The following LRP2 variants were observed in gnomAD, a reference collection of about 807,000 sequenced individuals.
LRP2 encodes the protein low-density lipoprotein receptor-related protein 2.
A neutral mutation model predicts 531.0 loss-of-function variants in LRP2; 172 were observed. The ratio of observed to expected loss-of-function variants is 0.32; its 90% confidence interval spans 0.29 to 0.37. The LOEUF (loss-of-function observed/expected upper bound fraction) is 0.37. Ranked by LOEUF, LRP2 falls within the 10% of genes least tolerant of loss-of-function variation. LRP2 has a pLI of 1.00. For synonymous variants in LRP2, 1,992 were observed against 2,027.6 expected, an observed-to-expected ratio of 0.98 and a Z score of 0.47; for missense variants, 5,167 against 5,868.3, an observed-to-expected ratio of 0.88 and a Z score of 3.90.
intron 4 of LRP2, among the ~76,000 whole-genome samples, chr2:169,299,135 GAA>G (rs369366511): frequency 0.18 from 11,620 of 63,228 alleles, 794 homozygotes; most frequent in Middle Eastern, 0.23. Context: ...AAGAAAGAAA[GAA>G]AGAAAGAAAG....
intron 4 of LRP2, among the ~76,000 whole-genome samples, chr2:169,296,860 T>C (rs1684146657): frequency 6.6e-6 from 1 of 152,160 alleles, no homozygotes; most frequent in South Asian, 2.1e-4. Flanking sequence ...GAAGCCCAGC[T>C]TGATATCATC....
At position 169,127,960 on chromosome 2, in the gene LRP2, G is replaced by A. The variant is rs1318480680; in HGVS notation, c.*703C>T. ...CTTAATGATATGGGATTTCCTCATA[G>A]ACATCACAAATAAAAATGTTGTCTT... On this transcript the variant is annotated 3_prime_UTR_variant, in exon 79 of 79. Coordinates refer to ENST00000649046, the MANE Select transcript of LRP2 (RefSeq NM_004525.3). 4.6e-5 allele frequency: 7 copies of A among 152,650 alleles called. No individual in the cohort carries two copies. The East Asian group carries it at 5.8e-4, about 13-fold the overall frequency. The allele number at this position is 152,650 out of a possible 1,614,324, so 9.5% of individuals were successfully genotyped here.
At position 169,169,833 on chromosome 2, in the gene LRP2, T is replaced by C. The variant is rs759640716; in HGVS notation, c.11381-15A>G. ...GGTCCTCATCTCTGAAGAGAAAAGA[T>C]TGTCATTCCGAGAAGGCCTTGTCAT... On this transcript the variant is annotated splice_polypyrimidine_tract_variant and intron_variant, in intron 59 of 78. Coordinates refer to ENST00000649046, the MANE Select transcript of LRP2 (RefSeq NM_004525.3). The C allele has an allele frequency of 9.6e-6, 15 of 1,564,406 alleles. 1 individual carries two copies. Among genetic ancestry groups the C allele is most frequent in the Admixed American group, 3.3e-5 (2 of 59,978 alleles).
chr2:169,362,143 G>C (rs1192319829), intron 1 of LRP2, among the ~76,000 whole-genome samples, 178 bp downstream of exon 1: 1 of 152,244 alleles, frequency 6.6e-6, no homozygotes, highest in Non-Finnish European at 1.5e-5. Context: ...CGAGCGAAGA[G>C]GGGCGCTCCC....
intron 37 of LRP2, among the ~76,000 whole-genome samples, chr2:169,211,153 G>A (rs931170480): frequency 3.3e-5 from 5 of 152,202 alleles, no homozygotes; most frequent in Non-Finnish European, 5.9e-5. Flanking sequence ...GCAGGAGGAC[G>A]TGTGGGACTG....
chr2:169,181,752 A>G (rs199584573), intron 51 of LRP2, 134 bp from the exon 52 acceptor site: 1 of 929,544 alleles, frequency 1.1e-6, no homozygotes, highest in Non-Finnish European at 1.7e-6. Context: ...TCTTTTCTGC[A>G]TTCAGAAAAG....
intron 48 of LRP2, 39 bp from the exon 49 acceptor site, chr2:169,188,304 G>A: frequency 6.3e-7 from 1 of 1,597,464 alleles, no homozygotes; most frequent in Non-Finnish European, 8.6e-7. Flanking sequence ...AGAGAGGTTG[G>A]CAATAAACCT....
Position 169,318,778 on chromosome 2 carries a change from A to G in LRP2, c.294T>C (p.Asp98=). The G allele has an allele frequency of 1.2e-6, 2 of 1,614,172 alleles. No individual in the cohort carries two copies. The highest frequency in any genetic ancestry group is 1.1e-5 in the South Asian group (1 of 91,082). The part of the protein sequence containing the change: ...DQDQDCDDGS[D]ERQDCSQSTC... ...AACACTTACAGCAATCTTGACGTTC[A>G]TCTGAGCCATCATCACAGTCTTGAT... The change falls in exon 3 of 79, where the codon GAT becomes GAC. Residue 98 remains aspartate, a synonymous_variant. Transcript: ENST00000649046.
At chr2:169,341,483 A>T (rs1031324037) in intron 1 of LRP2, among the ~76,000 whole-genome samples, 5 of 150,026 alleles carry the variant, frequency 3.3e-5, no homozygotes, top group Admixed American at 6.6e-5. Context: ...TCCTAATTTT[A>T]AAAAAATTTC....
At chr2:169,147,185 C>T in intron 68 of LRP2, among the ~76,000 whole-genome samples, 1 of 152,106 alleles carries the variant, frequency 6.6e-6, no homozygotes, top group Non-Finnish European at 1.5e-5. Context: ...TAGAAATTGG[C>T]CGAAGGATGG....
intron 47 of LRP2, 116 bp from the exon 48 acceptor site, chr2:169,192,149 G>A (rs1687852398): frequency 1.1e-5 from 7 of 659,140 alleles, no homozygotes; most frequent in East Asian, 2.7e-5. Context: ...AGGAAAACAC[G>A]TAGACAAATT....
chr2:169,209,857 T>C (rs1272948724), intron 37 of LRP2, among the ~76,000 whole-genome samples: 1 of 152,088 alleles, frequency 6.6e-6, no homozygotes, highest in African/African-American at 2.4e-5. Flanking sequence ...GGAGAAATGT[T>C]GATTATAGGT....
At chr2:169,194,473 A>C (rs984857254) in intron 46 of LRP2, among the ~76,000 whole-genome samples, 1 of 152,176 alleles carries the variant, frequency 6.6e-6, no homozygotes, top group Non-Finnish European at 1.5e-5. Flanking sequence ...ATACTGAATT[A>C]AAATAAGTCA....
chr2:169,346,601 G>A (rs1240085314), intron 1 of LRP2, among the ~76,000 whole-genome samples: 1 of 152,162 alleles, frequency 6.6e-6, no homozygotes, highest in East Asian at 1.9e-4. Flanking sequence ...CTATTCAGGA[G>A]GCTGAGGCAG....
chr2:169,344,428 A>G (rs1685644836), intron 1 of LRP2, among the ~76,000 whole-genome samples: 2 of 152,250 alleles, frequency 1.3e-5, no homozygotes, highest in South Asian at 4.1e-4. Flanking sequence ...AGACAAAGAC[A>G]TAATAAAGTT....
At chr2:169,310,721 G>T (rs1013395537) in intron 3 of LRP2, among the ~76,000 whole-genome samples, 8 of 152,174 alleles carry the variant, frequency 5.3e-5, no homozygotes. Context: ...CTCATAAAAT[G>T]AATTAGGGAG....
Position 169,242,827 on chromosome 2 carries a change from C to G in LRP2, c.3667+129G>C, listed in dbSNP as rs188822965. 4.6e-5 allele frequency: 36 copies of G among 783,472 alleles called. No individual in the cohort carries two copies. In the East Asian group the frequency reaches 8.0e-4, roughly 17 times the overall value. 48.5% of individuals were successfully genotyped at this position (783,472 alleles called of 1,614,324 possible). A position where few individuals can be genotyped will look rare whatever the true frequency, so the allele number is the denominator to read the frequency against. On this transcript the variant is annotated intron_variant, in intron 24 of 78. Coordinates refer to ENST00000649046, the MANE Select transcript of LRP2 (RefSeq NM_004525.3). ...CTCAATTTTACTGTATGTTCAATAC[C>G]ACATTCCTTTGAGGATACTTTCCCC...
chr2:169,362,173 A>G (rs1405680169), intron 1 of LRP2, 148 bp downstream of exon 1: 1 of 626,514 alleles, frequency 1.6e-6, no homozygotes, highest in Non-Finnish European at 2.6e-6. Context: ...TCGCGAAGCA[A>G]CCTGAGCGCC....
chr2:169,216,506 A>G, intron 34 of LRP2, 76 bp from the exon 35 acceptor site: 1 of 1,423,000 alleles, frequency 7.0e-7, no homozygotes, highest in Non-Finnish European at 9.9e-7. Flanking sequence ...GACAATGTGT[A>G]TTACTTGTCC....
Sources: allele counts gnomAD v4.1 joint callset (sites outside exome capture counted in the v4.1 genomes callset), GRCh38; gene constraint gnomAD v4.1.1; transcripts MANE v1.5; gene names NCBI Gene and HGNC (gene_info 2026-07-23, HGNC 2026-07-21).